The following GRIA1 variants were observed in gnomAD, a reference collection of about 807,000 sequenced individuals.
GRIA1 encodes glutamate ionotropic receptor AMPA type subunit 1.
In GRIA1, 31 loss-of-function variants were observed where a neutral mutation model predicts 99.2. The observed-to-expected ratio is 0.31, with a 90% CI of 0.23 to 0.42. The LOEUF (loss-of-function observed/expected upper bound fraction) is 0.42, where lower values mean the gene tolerates loss of function less well. GRIA1 is among the 10% of genes least tolerant of loss of function. The pLI is 1.00. For synonymous variants in GRIA1, 438 were observed against 432.4 expected, an observed-to-expected ratio of 1.01 and a Z score of -0.16; for missense variants, 782 against 1,157.5, an observed-to-expected ratio of 0.68 and a Z score of 4.71.
intron 7 of GRIA1, among the ~76,000 whole-genome samples, chr5:153,681,038 A>G (rs186658108): frequency 6.6e-6 from 1 of 152,328 alleles, no homozygotes; most frequent in East Asian, 1.9e-4. Context: ...AAAAGGTTTC[A>G]TTTTAGCTAA....
In GRIA1 at chr5:153,802,381, G is replaced by A; in HGVS notation, c.2411G>A (p.Ser804Asn). Reference sequence around the variant, plus strand: ...GACAAGACAAGCGCTCTGAGCCTCAGCAATGTGGCAGGCGTGTTCTACATC... The same window carrying A: ...GACAAGACAAGCGCTCTGAGCCTCAACAATGTGGCAGGCGTGTTCTACATC... ...SKDKTSALSL[S>N]NVAGVFYILI... Residue 804 changes from serine to asparagine, a missense_variant, in exon 15 of 16, where the codon AGC (serine) becomes AAC (asparagine). By Grantham distance (46) the Ser-to-Asn change is conservative. Transcript: ENST00000285900. The A allele has an allele frequency of 6.2e-7, 1 of 1,613,876 alleles. No homozygotes were observed. The highest frequency in any genetic ancestry group is 8.5e-7 in the Non-Finnish European group (1 of 1,179,894).
intron 11 of GRIA1, among the ~76,000 whole-genome samples, chr5:153,744,812 AATG>A (rs1348327053): frequency 6.6e-6 from 1 of 152,196 alleles, no homozygotes; most frequent in Non-Finnish European, 1.5e-5. Flanking sequence ...AAAATCCTTT[AATG>A]ATTTAATAAT....
intron 11 of GRIA1, among the ~76,000 whole-genome samples, chr5:153,745,987 T>C (rs1762131948): frequency 1.3e-5 from 2 of 152,338 alleles, no homozygotes; most frequent in Admixed American, 1.3e-4. Context: ...TTTTAGGTTG[T>C]TCCTGTTCTT....
chr5:153,580,973 T>G (rs1762996425), intron 2 of GRIA1, among the ~76,000 whole-genome samples: 1 of 152,212 alleles, frequency 6.6e-6, no homozygotes, highest in Non-Finnish European at 1.5e-5. Context: ...TATGACAGCT[T>G]TTTCCTAAAG....
At chr5:153,619,684 C>A (rs1766844766) in intron 2 of GRIA1, among the ~76,000 whole-genome samples, 1 of 150,388 alleles carries the variant, frequency 6.6e-6, no homozygotes, top group Non-Finnish European at 1.5e-5. Context: ...CACTGTCCAA[C>A]AAAATTATTT....
intron 15 of GRIA1, among the ~76,000 whole-genome samples, chr5:153,803,024 G>GGAGAA (rs1307479796): frequency 6.6e-6 from 1 of 152,166 alleles, no homozygotes; most frequent in Non-Finnish European, 1.5e-5. Flanking sequence ...AACGGGAACT[G>GGAGAA]GAGAAGAGAA....
At chr5:153,663,351 C>A (rs1309171385) in intron 5 of GRIA1, among the ~76,000 whole-genome samples, 1 of 152,186 alleles carries the variant, frequency 6.6e-6, no homozygotes, top group African/African-American at 2.4e-5. Context: ...GCCACACTGC[C>A]CAAACTGGGG....
At chr5:153,794,758 A>G in intron 14 of GRIA1, 23 bp downstream of exon 14, 2 of 1,439,716 alleles carry the variant, frequency 1.4e-6, no homozygotes, top group South Asian at 1.2e-5. Context: ...AAGAAAAAAA[A>G]AAACCTAGTG....
intron 12 of GRIA1, among the ~76,000 whole-genome samples, chr5:153,768,993 C>A (rs1763703961): frequency 6.6e-6 from 1 of 152,152 alleles, no homozygotes; most frequent in African/African-American, 2.4e-5. Context: ...TGGGCCCTGA[C>A]TAAGGGCCTA....
At chr5:153,560,534 A>G (rs918272294) in intron 2 of GRIA1, among the ~76,000 whole-genome samples, 3 of 152,132 alleles carry the variant, frequency 2.0e-5, no homozygotes, top group Non-Finnish European at 4.4e-5. Context: ...GACAGTGAAT[A>G]AGTCTCATGA....
chr5:153,512,793 C>G (rs1459331258), intron 2 of GRIA1, among the ~76,000 whole-genome samples: 1 of 152,220 alleles, frequency 6.6e-6, no homozygotes, highest in Non-Finnish European at 1.5e-5. Flanking sequence ...ATTCTGTGGG[C>G]TGGCACTATG....
intron 2 of GRIA1, among the ~76,000 whole-genome samples, chr5:153,551,514 G>A (rs1355229455): frequency 6.6e-6 from 1 of 152,102 alleles, no homozygotes; most frequent in Non-Finnish European, 1.5e-5. Context: ...GCTCCAGTTT[G>A]GATGGGATTT....
Position 153,813,465 on chromosome 5 carries a change from A to G in GRIA1, c.*2240A>G, listed in dbSNP as rs1469590831. On this transcript the variant is annotated 3_prime_UTR_variant, in exon 16 of 16. Coordinates refer to ENST00000285900, the MANE Select transcript of GRIA1 (RefSeq NM_000827.4). ...TGTGCTAGAAATGAGGGTCTATGCT[A>G]TGAGGGGGTCCAAGACTCTGGCGAA... 2 of 152,234 alleles carry G rather than the reference A, an allele frequency of 1.3e-5. No homozygotes were observed. Among genetic ancestry groups the G allele is most frequent in the Admixed American group, 6.5e-5 (1 of 15,282 alleles). 9.4% of individuals were successfully genotyped at this position (152,234 alleles called of 1,614,324 possible).
At chr5:153,647,335 T>C (rs566538276) in intron 3 of GRIA1, among the ~76,000 whole-genome samples, 168 bp downstream of exon 3, 1 of 152,308 alleles carries the variant, frequency 6.6e-6, no homozygotes, top group South Asian at 2.1e-4. Flanking sequence ...TCTAATTCAG[T>C]TTGGAAACGC....
At chr5:153,668,938 A>G (rs17594464) in intron 5 of GRIA1, among the ~76,000 whole-genome samples, 10,933 of 152,284 alleles carry the variant, frequency 0.072, 512 homozygotes, top group Non-Finnish European at 0.11. Flanking sequence ...CTAAAGTCAT[A>G]TGTTTCTCCA....
chr5:153,776,485 T>G (rs1764261568), intron 13 of GRIA1, among the ~76,000 whole-genome samples: 2 of 152,178 alleles, frequency 1.3e-5, no homozygotes, highest in South Asian at 2.1e-4. Flanking sequence ...AAGGCATCCC[T>G]GGAAAGGACA....
intron 2 of GRIA1, among the ~76,000 whole-genome samples, chr5:153,642,543 A>T (rs948028264): frequency 1.3e-5 from 2 of 151,918 alleles, no homozygotes; most frequent in Non-Finnish European, 2.9e-5. Flanking sequence ...CTTGCGCAAC[A>T]TAATGAGATC....
chr5:153,642,685 T>C (rs1169905426), intron 2 of GRIA1, among the ~76,000 whole-genome samples: 1 of 151,092 alleles, frequency 6.6e-6, no homozygotes, highest in African/African-American at 2.4e-5. Context: ...GAGAACACCA[T>C]ATTCAAGTGC....
intron 14 of GRIA1, among the ~76,000 whole-genome samples, chr5:153,799,367 G>C (rs1581676867): frequency 6.6e-6 from 1 of 152,340 alleles, no homozygotes; most frequent in African/African-American, 2.4e-5. Flanking sequence ...TTCCCACAGA[G>C]TGAGACAAAG....
Sources: allele counts gnomAD v4.1 joint callset (sites outside exome capture counted in the v4.1 genomes callset), GRCh38; gene constraint gnomAD v4.1.1; transcripts MANE v1.5; gene names NCBI Gene and HGNC (gene_info 2026-07-23, HGNC 2026-07-21).